ABLIM1: variants seen among roughly 807,000 people sequenced by gnomAD.
The protein encoded by ABLIM1 is actin binding LIM protein 1.
Under a neutral mutation model 107.0 loss-of-function variants are expected in ABLIM1, and 40 were observed. That is an observed-to-expected ratio of 0.37 (90% confidence interval 0.29 to 0.49). ABLIM1 has a LOEUF of 0.49. ABLIM1 is among the 20% of genes least tolerant of loss of function. The pLI is 0.97. For synonymous variants in ABLIM1, 357 were observed against 357.3 expected, an observed-to-expected ratio of 1.00 and a Z score of 0.01; for missense variants, 857 against 1,008.5, an observed-to-expected ratio of 0.85 and a Z score of 2.04.
chr10:114,608,138 G>C (rs578124831), intron 1 of ABLIM1, among the ~76,000 whole-genome samples: 1 of 152,198 alleles, frequency 6.6e-6, no homozygotes, highest in Non-Finnish European at 1.5e-5. Flanking sequence ...GCCAAGGTGC[G>C]TGGATCATTT....
At chr10:114,607,454 T>C (rs1036741446) in intron 1 of ABLIM1, among the ~76,000 whole-genome samples, 2 of 152,188 alleles carry the variant, frequency 1.3e-5, no homozygotes, top group Non-Finnish European at 2.9e-5. Context: ...CTGTACATAG[T>C]GATCTCCTCC....
chr10:114,618,805 C>A (rs1490539577), intron 1 of ABLIM1, among the ~76,000 whole-genome samples: 1 of 152,208 alleles, frequency 6.6e-6, no homozygotes, highest in East Asian at 1.9e-4. Flanking sequence ...TTGCCTGATT[C>A]ATGTTTAGTA....
chr10:114,625,310 C>G (rs1449258836), intron 1 of ABLIM1, among the ~76,000 whole-genome samples: 1 of 152,102 alleles, frequency 6.6e-6, no homozygotes, highest in Non-Finnish European at 1.5e-5. Context: ...TTAGCCTTTC[C>G]TGAGGATGGA....
intron 5 of ABLIM1, among the ~76,000 whole-genome samples, chr10:114,545,849 T>C (rs2137553101): frequency 6.7e-6 from 1 of 148,172 alleles, no homozygotes; most frequent in South Asian, 2.1e-4. Context: ...GAGAATTGCT[T>C]GAACCCAGGA....
upstream of ABLIM1, among the ~76,000 whole-genome samples, chr10:114,661,269 A>G (rs377369606): frequency 6.6e-6 from 1 of 152,194 alleles, no homozygotes. Context: ...AACTACATAT[A>G]AATGTGAGGG....
At position 114,629,472 on chromosome 10, in the gene ABLIM1, C is replaced by T. The variant is rs2078028404; in HGVS notation, c.245-27511G>A. Among the ~76,000 whole-genome samples the T allele has an allele frequency of 6.6e-6, 1 of 152,138 alleles. No homozygotes were observed. The highest frequency in any genetic ancestry group is 2.4e-5 in the African/African-American group (1 of 41,418). ...TTCCTGTTCCTGCTCTGACAACGGG[C>T]CAACCTGTTTTGGTTGTTTGAAGAT... On this transcript the variant is annotated intron_variant, in intron 1 of 22. Coordinates refer to ENST00000533213, the MANE Select transcript of ABLIM1 (RefSeq NM_002313.7). The surrounding 1 kb of genome is among the most constrained non-coding windows in gnomAD (Gnocchi z 4.0).
intron 1 of ABLIM1, among the ~76,000 whole-genome samples, chr10:114,723,793 G>A (rs1367152156): frequency 6.8e-6 from 1 of 147,436 alleles, no homozygotes; most frequent in Non-Finnish European, 1.5e-5. Flanking sequence ...TCTTTATATT[G>A]TAGGTAACTA....
At chr10:114,627,798 G>C (rs2077912340) in intron 1 of ABLIM1, among the ~76,000 whole-genome samples, 1 of 152,206 alleles carries the variant, frequency 6.6e-6, no homozygotes, top group African/African-American at 2.4e-5. Flanking sequence ...AGGAGGAGCT[G>C]TGGTGGTCTG....
intron 3 of ABLIM1, among the ~76,000 whole-genome samples, chr10:114,571,618 T>C (rs1176577895): frequency 6.6e-6 from 1 of 152,078 alleles, no homozygotes; most frequent in Non-Finnish European, 1.5e-5. Flanking sequence ...AATGTACTGG[T>C]TCTAAGGGCA....
chr10:114,748,870 G>T (rs1270096380), intron 1 of ABLIM1, among the ~76,000 whole-genome samples: 1 of 151,718 alleles, frequency 6.6e-6, no homozygotes, highest in African/African-American at 2.4e-5. Context: ...TCCCTATGTT[G>T]CTATGTTGCC....
At chr10:114,776,774 T>A in the ABLIM1 span, among the ~76,000 whole-genome samples, 5 of 152,316 alleles carry the variant, frequency 3.3e-5, no homozygotes, top group East Asian at 9.6e-4. Flanking sequence ...AGCTATGGGA[T>A]GCTCAACTAA....
intron 1 of ABLIM1, among the ~76,000 whole-genome samples, chr10:114,634,567 A>G (rs1007596093): frequency 2.6e-5 from 4 of 152,186 alleles, no homozygotes; most frequent in African/African-American, 9.6e-5. Flanking sequence ...GAATTTGGAA[A>G]GGCTCTCTGG....
chr10:114,617,637 G>A (rs2077213431), intron 1 of ABLIM1, among the ~76,000 whole-genome samples: 1 of 152,058 alleles, frequency 6.6e-6, no homozygotes, highest in Admixed American at 6.6e-5. Flanking sequence ...GCTCTGGGCT[G>A]TGCTTCTACT....
At chr10:114,456,125 C>CT (rs2062779768) in intron 12 of ABLIM1, among the ~76,000 whole-genome samples, 1 of 152,178 alleles carries the variant, frequency 6.6e-6, no homozygotes, top group African/African-American at 2.4e-5. Flanking sequence ...GAAACTGCAA[C>CT]TTTAAGCAAA....
At chr10:114,514,434 CGT>C (rs2062473648) in intron 6 of ABLIM1, among the ~76,000 whole-genome samples, 1 of 152,124 alleles carries the variant, frequency 6.6e-6, no homozygotes, top group Non-Finnish European at 1.5e-5. Flanking sequence ...AATGCAGTGG[CGT>C]GATCACAGCT....
intron 1 of ABLIM1, among the ~76,000 whole-genome samples, chr10:114,608,745 TGG>T (rs1177946727): frequency 6.6e-6 from 1 of 152,130 alleles, no homozygotes; most frequent in African/African-American, 2.4e-5. Flanking sequence ...CTGGGCACGG[TGG>T]CTCACACCTG....
chr10:114,634,129 CTTTTTTTTT>C (rs745875295), intron 1 of ABLIM1, among the ~76,000 whole-genome samples: 2 of 68,298 alleles, frequency 2.9e-5, no homozygotes, highest in South Asian at 7.4e-4. Context: ...CTCAATTTTT[CTTTTTTTTT>C]TTTTTTTTTT....
intron 1 of ABLIM1, among the ~76,000 whole-genome samples, chr10:114,691,274 A>G (rs1215322121): frequency 1.3e-5 from 2 of 152,234 alleles, no homozygotes; most frequent in African/African-American, 4.8e-5. Flanking sequence ...CTGCTGAAAG[A>G]ATACACGTGG....
At chr10:114,559,431 C>T (rs1401202549) in intron 4 of ABLIM1, among the ~76,000 whole-genome samples, 12 of 77,072 alleles carry the variant, frequency 1.6e-4, no homozygotes, top group Non-Finnish European at 2.3e-4. Flanking sequence ...AGCAAAAACT[C>T]GTCTCTCAAA....
Sources: gnomAD v4.1 joint callset for allele counts (sites outside exome capture counted in the v4.1 genomes callset) on GRCh38, gnomAD v4.1.1 for gene constraint, Gnocchi (gnomAD v3.1) non-coding constraint, MANE v1.5 for transcripts, NCBI Gene and HGNC (gene_info 2026-07-23, HGNC 2026-07-21) for gene names.